Variants in TULP4 observed in about 807,000 individuals in gnomAD.
TULP4 encodes tubby-related protein 4.
A neutral mutation model predicts 129.0 loss-of-function variants in TULP4; 16 were observed. The observed-to-expected ratio is 0.12, with a 90% CI of 0.08 to 0.19. The LOEUF is 0.19. Ranked by LOEUF, TULP4 falls within the 10% of genes least tolerant of loss-of-function variation. The pLI is 1.00. For missense variants in TULP4, 1,842 were observed against 2,059.1 expected, an observed-to-expected ratio of 0.89 and a Z score of 2.04; for synonymous variants, 998 against 854.0, an observed-to-expected ratio of 1.17 and a Z score of -2.94.
intron 1 of TULP4, among the ~76,000 whole-genome samples, chr6:158,266,924 A>G (rs1778458058): frequency 6.6e-6 from 1 of 152,304 alleles, no homozygotes; most frequent in East Asian, 1.9e-4. Context: ...ACTTTTGTTC[A>G]TCTTCCCAAA....
upstream of TULP4, among the ~76,000 whole-genome samples, chr6:158,309,076 C>T (rs1424794213): frequency 7.6e-5 from 9 of 118,508 alleles, no homozygotes; most frequent in South Asian, 3.3e-4. Context: ...CGGGCGGAGA[C>T]GCTCCTCACT....
chr6:158,285,917 G>T (rs978694700), intron 1 of TULP4, among the ~76,000 whole-genome samples: 1 of 152,212 alleles, frequency 6.6e-6, no homozygotes, highest in Non-Finnish European at 1.5e-5. Flanking sequence ...TCGGTTGCTG[G>T]CTGCGTTTCA....
At chr6:158,450,278 A>G (rs1293383225) in intron 4 of TULP4, among the ~76,000 whole-genome samples, 1 of 151,968 alleles carries the variant, frequency 6.6e-6, no homozygotes, top group Non-Finnish European at 1.5e-5. Context: ...GTGCTTTCTA[A>G]CCTTTCCTGC....
upstream of TULP4, among the ~76,000 whole-genome samples, chr6:158,308,918 C>T (rs1401996520): frequency 2.1e-5 from 3 of 144,316 alleles, no homozygotes; most frequent in Non-Finnish European, 3.1e-5. Flanking sequence ...GACGGGGCGG[C>T]TGGCCGGGCG....
Position 158,313,197 on chromosome 6 carries a change from T to C in TULP4, c.-820T>C, listed in dbSNP as rs753442319. On this transcript the variant is annotated 5_prime_UTR_variant, in exon 1 of 14. Transcript: ENST00000367097. ...CTGCCTCTTGAGTGAAGGGGCCTTC[T>C]TTCTAGCCTCTATGGCACTGAGGGG... The C allele has an allele frequency of 3.2e-6, 1 of 309,470 alleles. No individual in the cohort carries two copies. The highest frequency in any genetic ancestry group is 5.8e-6 in the Non-Finnish European group (1 of 171,170). The allele number at this position is 309,470 out of a possible 1,614,324, so 19.2% of individuals were successfully genotyped here.
At chr6:158,434,067 T>C (rs1039900249) in intron 3 of TULP4, among the ~76,000 whole-genome samples, 1 of 152,228 alleles carries the variant, frequency 6.6e-6, no homozygotes, top group Non-Finnish European at 1.5e-5. Context: ...CTTTTCTCTG[T>C]GCACCCACAT....
chr6:158,461,789 A>G (rs1389584992), intron 6 of TULP4, 60 bp downstream of exon 6: 4 of 1,522,408 alleles, frequency 2.6e-6, no homozygotes, highest in African/African-American at 1.4e-5. Context: ...ATAGGTTATT[A>G]TAATTATTGT....
intron 11 of TULP4, among the ~76,000 whole-genome samples, chr6:158,495,838 C>A (rs1279617569): frequency 2.0e-5 from 3 of 147,086 alleles, no homozygotes; most frequent in African/African-American, 7.5e-5. Context: ...GAAACTACGT[C>A]TCAAGAAAAA....
rs180930672 is a variant in TULP4 at position 158,444,169 on chromosome 6, A to G, written c.544-4827A>G. On this transcript the variant is annotated intron_variant, in intron 3 of 13. Coordinates refer to ENST00000367097, the MANE Select transcript of TULP4 (RefSeq NM_020245.5). ...TGGGAGGCAGAGGTTGCAGTGAGCC[A>G]AGATTGCACCACTGTACTCCAGCCT... is the stretch of plus-strand genomic sequence containing the variant. 2.4e-3 allele frequency among the ~76,000 whole-genome samples: 342 copies of G among 139,998 alleles called. 1 individual carries two copies. Among genetic ancestry groups the G allele is most frequent in the East Asian group, 6.3e-3 (29 of 4,638 alleles). 91.8% of individuals were successfully genotyped at this position (139,998 alleles called of 152,430 possible).
chr6:158,400,424 T>A (rs1401657890), intron 1 of TULP4, among the ~76,000 whole-genome samples: 2 of 152,232 alleles, frequency 1.3e-5, no homozygotes, highest in African/African-American at 4.8e-5. Flanking sequence ...GTCAATCAGA[T>A]GGATTCATTC....
chr6:158,314,366 G>GCTGC (rs1779438192), intron 1 of TULP4, 98 bp downstream of exon 1: 3 of 1,422,988 alleles, frequency 2.1e-6, no homozygotes, highest in Non-Finnish European at 1.9e-6. Context: ...TCATAGACTT[G>GCTGC]CTGCCTAGTG....
At chr6:158,266,446 A>G (rs954745731) in intron 1 of TULP4, among the ~76,000 whole-genome samples, 2 of 152,068 alleles carry the variant, frequency 1.3e-5, no homozygotes, top group Non-Finnish European at 2.9e-5. Context: ...TTGTAGAGAC[A>G]TGGTTTCACC....
At chr6:158,275,820 C>G (rs1265179395) in intron 1 of TULP4, among the ~76,000 whole-genome samples, 1 of 152,154 alleles carries the variant, frequency 6.6e-6, no homozygotes, top group African/African-American at 2.4e-5. Flanking sequence ...AACTCGTCAT[C>G]TTATTTAAGA....
At chr6:158,386,111 C>G (rs1398668413) in intron 1 of TULP4, among the ~76,000 whole-genome samples, 2 of 151,940 alleles carry the variant, frequency 1.3e-5, no homozygotes, top group African/African-American at 4.8e-5. Context: ...TCCCAAAGTG[C>G]TATGATTACA....
chr6:158,463,669 A>ATATATAT (rs1562577342), intron 6 of TULP4, among the ~76,000 whole-genome samples: 8 of 140,550 alleles, frequency 5.7e-5, no homozygotes, highest in African/African-American at 1.8e-4. Flanking sequence ...TATATATATA[A>ATATATAT]AAAGAAAAAA....
intron 1 of TULP4, among the ~76,000 whole-genome samples, chr6:158,364,821 C>T (rs1474053294): frequency 6.6e-6 from 1 of 152,194 alleles, no homozygotes; most frequent in Non-Finnish European, 1.5e-5. Context: ...ACTGCAAGCT[C>T]TGCCTCCCAG....
chr6:158,276,554 A>C (rs1778650153), intron 1 of TULP4, among the ~76,000 whole-genome samples: 1 of 151,952 alleles, frequency 6.6e-6, no homozygotes. Context: ...ACGTGTTCTT[A>C]GTTGACAATG....
chr6:158,362,449 A>G (rs549343199), intron 1 of TULP4, among the ~76,000 whole-genome samples: 2 of 152,194 alleles, frequency 1.3e-5, no homozygotes, highest in South Asian at 2.1e-4. Flanking sequence ...TCCTGGGCTC[A>G]AGCAATGCTC....
At chr6:158,443,021 G>C (rs190505517) in intron 3 of TULP4, among the ~76,000 whole-genome samples, 2 of 151,228 alleles carry the variant, frequency 1.3e-5, no homozygotes, top group South Asian at 4.2e-4. Flanking sequence ...GTCTCACTCT[G>C]TCACCAGACT....
Sources: gnomAD v4.1 joint callset for allele counts (sites outside exome capture counted in the v4.1 genomes callset) on GRCh38, gnomAD v4.1.1 for gene constraint, MANE v1.5 for transcripts, NCBI Gene and HGNC (gene_info 2026-07-23, HGNC 2026-07-21) for gene names.